PARM1: variants seen among roughly 807,000 people sequenced by gnomAD.
PARM1 encodes the protein prostate androgen-regulated mucin-like protein 1, also known as WSC4, cell wall integrity and stress response component 4 homolog.
Under a neutral mutation model 24.6 loss-of-function variants are expected in PARM1, and 14 were observed. That is an observed-to-expected ratio of 0.57 (90% CI 0.38 to 0.89). The LOEUF is 0.89. Among genes scored for constraint, PARM1 ranks in the 40% least tolerant of loss-of-function variants. PARM1 has a pLI of 0.00. For synonymous variants in PARM1, 179 were observed against 156.6 expected (o/e 1.14, Z -1.07); for missense variants, 362 against 380.4 (o/e 0.95, Z 0.40).
intron 1 of PARM1, among the ~76,000 whole-genome samples, chr4:74,945,240 G>A (rs1048902343): frequency 1.3e-5 from 2 of 152,202 alleles, no homozygotes; most frequent in African/African-American, 4.8e-5. Context: ...ATGAGTGAAC[G>A]TTGGGTCACT....
At chr4:74,952,125 C>T (rs1344036862) in intron 1 of PARM1, among the ~76,000 whole-genome samples, 5 of 152,254 alleles carry the variant, frequency 3.3e-5, no homozygotes, top group Non-Finnish European at 5.9e-5. Context: ...TTAATGATTG[C>T]CATTCTAACT....
intron 2 of PARM1, among the ~76,000 whole-genome samples, chr4:75,023,000 A>G (rs1723117263): frequency 6.6e-6 from 1 of 152,228 alleles, no homozygotes; most frequent in South Asian, 2.1e-4. Flanking sequence ...ATTTTATTTA[A>G]CAGTATAATG....
At chr4:75,028,644 T>G (rs1170167712) in intron 2 of PARM1, among the ~76,000 whole-genome samples, 1 of 152,190 alleles carries the variant, frequency 6.6e-6, no homozygotes. Context: ...ACTGGTGAAT[T>G]TTCAAGGAGA....
In PARM1 at chr4:74,990,255, T is replaced by C. The variant is rs544071012; in HGVS notation, c.44-22170T>C. ...AGCAGAGTATGCACATGGAAATCTG[T>C]AGTACATCCATTGCACAGGGTTATT... On this transcript the variant is annotated intron_variant, in intron 1 of 3. Coordinates refer to ENST00000307428, the MANE Select transcript of PARM1 (RefSeq NM_015393.4). Among the ~76,000 whole-genome samples, 3 of 152,274 alleles carry C rather than the reference T, an allele frequency of 2.0e-5. No homozygotes were observed. In the East Asian group the frequency reaches 5.8e-4, roughly 29 times the overall value.
chr4:75,026,722 C>T (rs181700520), intron 2 of PARM1, among the ~76,000 whole-genome samples: 1 of 152,148 alleles, frequency 6.6e-6, no homozygotes, highest in African/African-American at 2.4e-5. Context: ...TCTTATATAG[C>T]CTGTGGTCCT....
chr4:74,971,834 T>G (rs1407864606), intron 1 of PARM1, among the ~76,000 whole-genome samples: 2 of 152,226 alleles, frequency 1.3e-5, no homozygotes, highest in African/African-American at 4.8e-5. Flanking sequence ...TAGACTCTTC[T>G]TTCTAGAAGA....
At chr4:74,943,144 G>C (rs1721345461) in intron 1 of PARM1, among the ~76,000 whole-genome samples, 1 of 152,082 alleles carries the variant, frequency 6.6e-6, no homozygotes. Context: ...TAAAATTGTA[G>C]TCTGTTCCAC....
intron 2 of PARM1, among the ~76,000 whole-genome samples, chr4:75,016,159 G>A (rs1722981478): frequency 6.6e-6 from 1 of 152,138 alleles, no homozygotes; most frequent in South Asian, 2.1e-4. Flanking sequence ...AGAGAGCAGG[G>A]AGCTGAGTTG....
rs182024383 is a variant in PARM1 at position 75,003,162 on chromosome 4, G to T, written c.44-9263G>T. Among the ~76,000 whole-genome samples the T allele has an allele frequency of 2.6e-3, 392 of 152,050 alleles. 4 individuals carry two copies. The highest frequency in any genetic ancestry group is 8.8e-3 in the South Asian group (42 of 4,790). On this transcript the variant is annotated intron_variant, in intron 1 of 3. Coordinates refer to ENST00000307428, the MANE Select transcript of PARM1 (RefSeq NM_015393.4). Reference sequence around the variant, plus strand: ...TGCATTGTCTCTCTTTCTCTCCATGGCCCCACCCTGAGAAACCCCAATACA... The same window carrying T: ...TGCATTGTCTCTCTTTCTCTCCATGTCCCCACCCTGAGAAACCCCAATACA...
chr4:74,969,431 A>G (rs1721977604), intron 1 of PARM1: 1 of 152,226 alleles, frequency 6.6e-6, no homozygotes. Context: ...GCAAATCTGA[A>G]TGTAGTTACC....
intron 1 of PARM1, among the ~76,000 whole-genome samples, chr4:74,949,599 A>G (rs1721485577): frequency 1.3e-5 from 2 of 152,254 alleles, no homozygotes; most frequent in Admixed American, 6.5e-5. Context: ...GGCGTGAGCC[A>G]CTGCGCCCAG....
intron 1 of PARM1, chr4:74,967,882 G>A (rs1229592840): frequency 6.6e-6 from 1 of 152,182 alleles, no homozygotes; most frequent in African/African-American, 2.4e-5. Context: ...ATACCTCAAT[G>A]CTTTGAGGTT....
chr4:75,041,583 G>A (rs888823865), intron 3 of PARM1, among the ~76,000 whole-genome samples: 2 of 152,184 alleles, frequency 1.3e-5, no homozygotes, highest in African/African-American at 4.8e-5. Flanking sequence ...TTCAACGCAA[G>A]AAAAGGGACA....
intron 1 of PARM1, chr4:74,997,902 T>A (rs1196249999): frequency 6.6e-6 from 1 of 152,248 alleles, no homozygotes. Flanking sequence ...TTATTCTAAA[T>A]AAGTGCACCA....
chr4:74,999,258 A>C (rs1252576576), intron 1 of PARM1: 3 of 152,242 alleles, frequency 2.0e-5, no homozygotes, highest in Non-Finnish European at 2.9e-5. Flanking sequence ...ACAGTTTAGG[A>C]GGCAGAAAAG....
At chr4:75,044,633 A>G (rs1723562472) in intron 3 of PARM1, among the ~76,000 whole-genome samples, 1 of 152,204 alleles carries the variant, frequency 6.6e-6, no homozygotes, top group African/African-American at 2.4e-5. Flanking sequence ...GAGGAGTACT[A>G]TGAGAAATAT....
At chr4:74,935,311 T>C (rs1721158059) in intron 1 of PARM1, among the ~76,000 whole-genome samples, 1 of 152,204 alleles carries the variant, frequency 6.6e-6, no homozygotes, top group Non-Finnish European at 1.5e-5. Flanking sequence ...TTTGAAGGAA[T>C]CTCTTTAAGA....
chr4:75,042,132 C>CTGGCTGGTATAGATAGTGT (rs1364177160), intron 3 of PARM1, among the ~76,000 whole-genome samples: 6 of 152,160 alleles, frequency 3.9e-5, no homozygotes, highest in Admixed American at 3.9e-4. Context: ...AGCCAAACCC[C>CTGGCTGGTATAGATAGTGT]ATAGACACTC....
intron 2 of PARM1, among the ~76,000 whole-genome samples, chr4:75,018,571 A>C (rs946303518): frequency 2.0e-5 from 3 of 152,224 alleles, no homozygotes; most frequent in African/African-American, 7.2e-5. Context: ...ATACAAGAGA[A>C]GCAGTCTCTC....
Sources: gnomAD v4.1 joint callset for allele counts (sites outside exome capture counted in the v4.1 genomes callset) on GRCh38, gnomAD v4.1.1 for gene constraint, MANE v1.5 for transcripts, NCBI Gene and HGNC (gene_info 2026-07-23, HGNC 2026-07-21) for gene names.